Variants in THSD7B observed in about 807,000 individuals in gnomAD.
THSD7B encodes thrombospondin type-1 domain-containing protein 7B.
In THSD7B, 138 loss-of-function variants were observed where a neutral mutation model predicts 213.6. That is an observed-to-expected ratio of 0.65 (90% CI 0.56 to 0.74). THSD7B has a LOEUF of 0.74. THSD7B is among the 30% of genes least tolerant of loss of function. The pLI, the probability that THSD7B is intolerant of heterozygous loss-of-function variation, is 0.00. For synonymous variants in THSD7B, 742 were observed against 687.0 expected, an observed-to-expected ratio of 1.08 and a Z score of -1.25; for missense variants, 1,931 against 1,991.5, an observed-to-expected ratio of 0.97 and a Z score of 0.58.
chr2:136,970,071 G>T (rs907952540), intron 2 of THSD7B, among the ~76,000 whole-genome samples: 2 of 152,138 alleles, frequency 1.3e-5, no homozygotes, highest in Non-Finnish European at 2.9e-5. Flanking sequence ...ATATCAGGAT[G>T]CTTTAAAAAT....
intron 12 of THSD7B, among the ~76,000 whole-genome samples, chr2:137,314,937 G>T (rs1361285165): frequency 6.6e-6 from 1 of 152,344 alleles, no homozygotes; most frequent in East Asian, 1.9e-4. Flanking sequence ...ATTTAAGTCT[G>T]CAGAGGTTAC....
At chr2:137,025,317 T>G (rs1686528780) in intron 2 of THSD7B, among the ~76,000 whole-genome samples, 1 of 152,152 alleles carries the variant, frequency 6.6e-6, no homozygotes, top group Non-Finnish European at 1.5e-5. Flanking sequence ...TGCCAGACGT[T>G]TTTCTCAACT....
intron 5 of THSD7B, among the ~76,000 whole-genome samples, chr2:137,130,274 G>C (rs1217753485): frequency 6.6e-6 from 1 of 152,084 alleles, no homozygotes; most frequent in African/African-American, 2.4e-5. Context: ...ATATGTTTTA[G>C]TAGTATATGT....
intron 17 of THSD7B, among the ~76,000 whole-genome samples, chr2:137,585,090 T>C (rs1471950290): frequency 6.6e-6 from 1 of 152,338 alleles, no homozygotes; most frequent in East Asian, 1.9e-4. Flanking sequence ...TCCAGGAATT[T>C]ACCCATTTCT....
chr2:137,181,343 T>A (rs1014100074), intron 7 of THSD7B, among the ~76,000 whole-genome samples: 1 of 152,208 alleles, frequency 6.6e-6, no homozygotes, highest in East Asian at 1.9e-4. Context: ...GTAAGTTTAG[T>A]AAAAAACAAG....
intron 5 of THSD7B, among the ~76,000 whole-genome samples, chr2:137,146,575 G>A (rs2104970029): frequency 6.6e-6 from 1 of 152,166 alleles, no homozygotes; most frequent in Admixed American, 6.6e-5. Flanking sequence ...CTTGTATGTT[G>A]CTTAGTACAT....
At chr2:136,997,085 T>A in intron 2 of THSD7B, among the ~76,000 whole-genome samples, 1 of 152,230 alleles carries the variant, frequency 6.6e-6, no homozygotes, top group Admixed American at 6.5e-5. Flanking sequence ...TTTTCTTACA[T>A]TACCACCAAA....
chr2:137,167,076 G>T (rs1264525799), intron 6 of THSD7B, among the ~76,000 whole-genome samples: 1 of 152,154 alleles, frequency 6.6e-6, no homozygotes, highest in African/African-American at 2.4e-5. Context: ...ACTCAGAGTT[G>T]TTACCCAAAG....
chr2:137,400,112 T>C (rs903459282), intron 12 of THSD7B, among the ~76,000 whole-genome samples: 1 of 152,170 alleles, frequency 6.6e-6, no homozygotes, highest in Non-Finnish European at 1.5e-5. Context: ...TTTCTAATTT[T>C]TTTGTCTTAG....
intron 7 of THSD7B, 30 bp from the exon 8 acceptor site, chr2:137,231,014 C>T: frequency 6.2e-7 from 1 of 1,600,226 alleles, no homozygotes; most frequent in Non-Finnish European, 8.5e-7. Flanking sequence ...GTGCATTAAT[C>T]ACCAACTGTC....
At chr2:136,887,478 T>C (rs908535050) in intron 2 of THSD7B, among the ~76,000 whole-genome samples, 1 of 152,088 alleles carries the variant, frequency 6.6e-6, no homozygotes, top group African/African-American at 2.4e-5. Context: ...TGAGGGGGGA[T>C]CCCTGAAGAA....
intron 17 of THSD7B, among the ~76,000 whole-genome samples, chr2:137,581,786 T>TA (rs373248698): frequency 0.011 from 1,469 of 136,228 alleles, 16 homozygotes; most frequent in African/African-American, 0.038. Flanking sequence ...AAAAAAAAAA[T>TA]AATAATAAAT....
chr2:137,560,142 A>G (rs1288504327), intron 15 of THSD7B, among the ~76,000 whole-genome samples: 1 of 150,102 alleles, frequency 6.7e-6, no homozygotes, highest in Non-Finnish European at 1.5e-5. Context: ...CCATTATGGA[A>G]GACTGTGTGG....
rs147954045 is a variant in THSD7B, at chr2:137,133,472, A to G, written c.1369+18179A>G. Among the ~76,000 whole-genome samples the G allele has an allele frequency of 4.0e-4, 61 of 152,308 alleles. No individual in the cohort carries two copies. The East Asian group carries it at 0.01, about 26-fold the overall frequency. ...ATGGAATAGTGGTTCTCATATTTCA[A>G]TGAGCATGTAAATTACCCAGGGATT... On this transcript the variant is annotated intron_variant, in intron 5 of 27. Transcript: ENST00000409968.
intron 5 of THSD7B, 96 bp downstream of exon 5, chr2:137,115,389 G>A (rs1688429783): frequency 1.6e-6 from 2 of 1,282,456 alleles, no homozygotes; most frequent in East Asian, 2.9e-5. Flanking sequence ...GTGACACTTA[G>A]CATTCACACA....
chr2:137,372,494 A>AAAGGTATAAATCAATACATAT, intron 12 of THSD7B, among the ~76,000 whole-genome samples: 1 of 151,676 alleles, frequency 6.6e-6, no homozygotes, highest in East Asian at 1.9e-4. Context: ...AGTTACAGGC[A>AAAGGTATAAATCAATACATAT]AAGGTATAAA....
At chr2:137,068,063 T>A (rs1426163899) in intron 3 of THSD7B, among the ~76,000 whole-genome samples, 6 of 152,104 alleles carry the variant, frequency 3.9e-5, no homozygotes, top group African/African-American at 1.4e-4. Flanking sequence ...CTGGCTTTCC[T>A]CTGCTATGTT....
chr2:136,922,515 C>T (rs1684452505), intron 2 of THSD7B, among the ~76,000 whole-genome samples: 2 of 152,104 alleles, frequency 1.3e-5, no homozygotes, highest in African/African-American at 4.8e-5. Context: ...AGTCTATCAA[C>T]CAGAAATTGT....
chr2:137,065,108 A>G (rs1204979133), intron 3 of THSD7B, among the ~76,000 whole-genome samples: 7 of 152,026 alleles, frequency 4.6e-5, no homozygotes, highest in African/African-American at 1.7e-4. Context: ...ACTTTGAGTA[A>G]TAGAGACATT....
Sources: allele counts gnomAD v4.1 joint callset (sites outside exome capture counted in the v4.1 genomes callset), GRCh38; gene constraint gnomAD v4.1.1; transcripts MANE v1.5; gene names NCBI Gene and HGNC (gene_info 2026-07-23, HGNC 2026-07-21).